Variants in PCSK6 observed in about 807,000 individuals in gnomAD.
PCSK6 encodes paired basic amino acid cleaving enzyme 4.
PCSK6 carries 85 observed loss-of-function variants against 123.3 expected under a neutral mutation model. The observed-to-expected ratio is 0.69, with a 90% CI of 0.58 to 0.83. The LOEUF (loss-of-function observed/expected upper bound fraction) is 0.83, where lower values mean the gene tolerates loss of function less well. Ranked by LOEUF, PCSK6 falls within the 40% of genes least tolerant of loss-of-function variation. The probability of loss-of-function intolerance (pLI) is 0.00; values close to 1 mark genes in which losing one functional copy is unlikely to be tolerated. For synonymous variants in PCSK6, 508 were observed against 516.0 expected, an observed-to-expected ratio of 0.98 and a Z score of 0.21; for missense variants, 1,191 against 1,282.3, an observed-to-expected ratio of 0.93 and a Z score of 1.09.
chr15:101,451,241 A>G (rs1261206212), intron 1 of PCSK6, among the ~76,000 whole-genome samples: 3 of 151,966 alleles, frequency 2.0e-5, no homozygotes, highest in Non-Finnish European at 4.4e-5. Flanking sequence ...TTTAATTTGC[A>G]GCAAAGTCAC....
In PCSK6 at chr15:101,431,395, G is replaced by A. The variant is rs1186637260; in HGVS notation, c.582C>T (p.Tyr194=). 6.2e-7 allele frequency: 1 copy of A among 1,613,896 alleles called. No homozygotes were observed. The highest frequency in any genetic ancestry group is 2.2e-5 in the East Asian group (1 of 44,876). ...TGGTGACCACCACGTTTTTTCCTGT[G>A]TAGCCCCTCTTCCACGCTGCCTGGA... is the stretch of plus-strand genomic sequence containing the variant. ...MNVQAAWKRG[Y]TGKNVVVTIL... Residue 194 remains tyrosine (Y), a synonymous_variant, in exon 4 of 22, where the codon TAC becomes TAT. Transcript: ENST00000611716.
intron 13 of PCSK6, chr15:101,336,957 A>C (rs2040491976): frequency 6.6e-6 from 1 of 151,804 alleles, no homozygotes; most frequent in Non-Finnish European, 1.5e-5. Context: ...GTGACACTTG[A>C]CCTAAGGTTA....
At chr15:101,414,370 A>G (rs1168370912) in intron 6 of PCSK6, among the ~76,000 whole-genome samples, 2 of 152,212 alleles carry the variant, frequency 1.3e-5, no homozygotes, top group African/African-American at 4.8e-5. Context: ...GATGTAAGAA[A>G]AAAGAAACAA....
At chr15:101,452,177 C>G (rs370270284) in intron 1 of PCSK6, among the ~76,000 whole-genome samples, 1 of 152,186 alleles carries the variant, frequency 6.6e-6, no homozygotes, top group East Asian at 1.9e-4. Context: ...CTAAAAATTC[C>G]TGAGAAATCA....
intron 1 of PCSK6, among the ~76,000 whole-genome samples, chr15:101,470,044 G>A (rs1414061018): frequency 2.0e-5 from 3 of 152,136 alleles, no homozygotes; most frequent in Admixed American, 1.3e-4. Context: ...AGTTGTTGGA[G>A]GTGCTTCTAA....
At chr15:101,433,730 C>T (rs1017114190) in intron 2 of PCSK6, among the ~76,000 whole-genome samples, 1 of 152,226 alleles carries the variant, frequency 6.6e-6, no homozygotes, top group Non-Finnish European at 1.5e-5. Flanking sequence ...TCCCCAAGAG[C>T]AAAGGGACAA....
At chr15:101,329,118 C>G (rs771919457) in intron 15 of PCSK6, among the ~76,000 whole-genome samples, 4 of 152,238 alleles carry the variant, frequency 2.6e-5, no homozygotes, top group African/African-American at 9.6e-5. Flanking sequence ...GCTCCGTTCA[C>G]GTGCTGAACA....
At chr15:101,358,324 C>G (rs1452417903) in intron 13 of PCSK6, among the ~76,000 whole-genome samples, 1 of 152,218 alleles carries the variant, frequency 6.6e-6, no homozygotes, top group Non-Finnish European at 1.5e-5. Context: ...CAAAGTGACA[C>G]TGGGGAACTC....
chr15:101,474,699 C>T (rs1430629447), intron 1 of PCSK6, among the ~76,000 whole-genome samples: 2 of 152,212 alleles, frequency 1.3e-5, no homozygotes, highest in Admixed American at 6.5e-5. Flanking sequence ...CTGCAGAAGA[C>T]TAAGCCCTCC....
rs2141576019 is a variant in PCSK6, at chr15:101,398,674, C to T, written c.824-98G>A. 2 of 1,299,558 alleles carry T rather than the reference C, an allele frequency of 1.5e-6. No individual in the cohort carries two copies. The highest frequency in any genetic ancestry group is 4.3e-5 in the Admixed American group (2 of 46,784). The allele number at this position is 1,299,558 out of a possible 1,614,324, so 80.5% of individuals were successfully genotyped here. A position where few individuals can be genotyped will look rare whatever the true frequency, so the allele number is the denominator to read the frequency against. Reference sequence around the variant, plus strand: ...AGGCTCGGATGAGGACACCGCATCACAGAGTCCCTCCCCAGCAGGGGCTGT... The same window carrying T: ...AGGCTCGGATGAGGACACCGCATCATAGAGTCCCTCCCCAGCAGGGGCTGT... On this transcript the variant is annotated intron_variant, in intron 6 of 21. Coordinates refer to ENST00000611716, the MANE Select transcript of PCSK6 (RefSeq NM_002570.5). This position sits in a 1 kb window ranked among gnomAD's most constrained non-coding sequence, Gnocchi z 4.6.
intron 6 of PCSK6, among the ~76,000 whole-genome samples, chr15:101,423,201 C>T (rs12901106): frequency 4.7e-5 from 7 of 150,290 alleles, no homozygotes; most frequent in Admixed American, 6.6e-5. Flanking sequence ...ATGAGGGATT[C>T]GGAAACAGTA....
rs1487443712 is a variant in PCSK6, at chr15:101,313,042, TG to T, written c.2699+333del. On this transcript the variant is annotated intron_variant, in intron 20 of 21. Coordinates refer to ENST00000611716, the MANE Select transcript of PCSK6 (RefSeq NM_002570.5). ...TTTTTAACCCAAAACATGGTTTCTC[TG>T]ATTATCGACAGTGCAAAGGATGCAT... The T allele has an allele frequency of 3.3e-6, 4 of 1,208,226 alleles. No individual in the cohort carries two copies. The South Asian group carries it at 7.4e-5, about 22-fold the overall frequency. 74.8% of individuals were successfully genotyped at this position (1,208,226 alleles called of 1,614,324 possible). A position where few individuals can be genotyped will look rare whatever the true frequency, so the allele number is the denominator to read the frequency against.
Position 101,370,429 on chromosome 15 carries a change from C to A in PCSK6, c.1627G>T (p.Val543Leu), listed in dbSNP as rs1421930054. 8.4e-6 allele frequency: 13 copies of A among 1,552,004 alleles called. No homozygotes were observed. The East Asian group carries it at 3.2e-4, about 38-fold the overall frequency. The change falls in exon 12 of 22, where the codon GTG becomes TTG. Residue 543 changes from valine to leucine, a missense_variant. Around this residue, in one of 3 missense-constraint regions of PCSK6, gnomAD observed 630 missense variants for 631.4 expected, o/e 1.00. Coordinates refer to ENST00000611716, the MANE Select transcript of PCSK6 (RefSeq NM_002570.5). ...GGGTGTGAGATGGAGGTGCGAACCA[C>A]CACGTGCTCCAAGTAGACCACCCGC... is the stretch of plus-strand genomic sequence containing the variant. ...DQRVVYLEHVVVRTSISHPRR... is the reference protein window; with the variant it reads ...DQRVVYLEHVLVRTSISHPRR...
At chr15:101,481,213 C>T (rs2057871448) in intron 1 of PCSK6, among the ~76,000 whole-genome samples, 1 of 151,928 alleles carries the variant, frequency 6.6e-6, no homozygotes, top group Non-Finnish European at 1.5e-5. Context: ...TGGCAGGGGG[C>T]CTGGGGGCCC....
At chr15:101,432,210 C>T (rs866806746) in intron 2 of PCSK6, 110 bp from the exon 3 acceptor site, 7 of 872,028 alleles carry the variant, frequency 8.0e-6, no homozygotes, top group African/African-American at 3.4e-5. Flanking sequence ...TGTGTCATAG[C>T]AGATATTTTA....
At chr15:101,388,522 T>C (rs2042135830) in intron 9 of PCSK6, among the ~76,000 whole-genome samples, 2 of 151,372 alleles carry the variant, frequency 1.3e-5, no homozygotes, top group South Asian at 4.2e-4. Flanking sequence ...ACTCAAGAGA[T>C]TTCTTGACTG....
chr15:101,480,282 A>G (rs1596168474), intron 1 of PCSK6, among the ~76,000 whole-genome samples: 1 of 152,250 alleles, frequency 6.6e-6, no homozygotes, highest in Non-Finnish European at 1.5e-5. Flanking sequence ...ACTAACAGTG[A>G]CAGCCTCTTC....
chr15:101,428,210 T>C (rs2056324595), intron 5 of PCSK6, among the ~76,000 whole-genome samples: 1 of 151,910 alleles, frequency 6.6e-6, no homozygotes, highest in African/African-American at 2.4e-5. Flanking sequence ...TGCTCACGCA[T>C]GGTCACCTCT....
At chr15:101,423,905 T>C (rs988026455) in intron 6 of PCSK6, among the ~76,000 whole-genome samples, 1 of 152,186 alleles carries the variant, frequency 6.6e-6, no homozygotes, top group African/African-American at 2.4e-5. Context: ...AAAGCACAGA[T>C]ATTTTTAAAA....
Sources: gnomAD v4.1 joint callset for allele counts (sites outside exome capture counted in the v4.1 genomes callset) on GRCh38, gnomAD v4.1.1 for gene constraint, gnomAD v4.1.1 regional missense constraint, Gnocchi (gnomAD v3.1) non-coding constraint, MANE v1.5 for transcripts, NCBI Gene and HGNC (gene_info 2026-07-23, HGNC 2026-07-21) for gene names.